The following E2F4 variants were observed in gnomAD, a reference collection of about 807,000 sequenced individuals.
E2F4 encodes the protein transcription factor E2F4.
Under a neutral mutation model 44.5 loss-of-function variants are expected in E2F4, and 16 were observed. The ratio of observed to expected loss-of-function variants is 0.36; its 90% CI spans 0.24 to 0.55. The LOEUF (loss-of-function observed/expected upper bound fraction) is 0.55. Ranked by LOEUF, E2F4 falls within the 20% of genes least tolerant of loss-of-function variation. The pLI is 0.87. For synonymous variants in E2F4, 242 were observed against 207.2 expected (o/e 1.17, Z -1.44); for missense variants, 473 against 522.1 (o/e 0.91, Z 0.92).
At chr16:67,194,487 T>A in intron 5 of E2F4, 28 bp downstream of exon 5, 1 of 1,612,208 alleles carries the variant, frequency 6.2e-7, no homozygotes. Context: ...GCAGGCGGGG[T>A]CAGCTGAGGG....
At chr16:67,194,351 C>A in intron 4 of E2F4, 47 bp from the exon 5 acceptor site, 3 of 1,604,288 alleles carry the variant, frequency 1.9e-6, no homozygotes, top group Non-Finnish European at 2.6e-6. Context: ...CTGTTCCCAG[C>A]TCAGATTGAG....
Position 67,192,993 on chromosome 16 carries a change from C to T in E2F4, c.246-16C>T, listed in dbSNP as rs371788671. 1.9e-6 allele frequency: 3 copies of T among 1,565,158 alleles called. No homozygotes were observed. The highest frequency in any genetic ancestry group is 2.3e-5 in the South Asian group (2 of 85,794). ...AGTTCTCAGCAGTCCCTCTCAGCCC[C>T]ACTCCCTGGGCTCAGGGGTGTGGGG... On this transcript the variant is annotated splice_polypyrimidine_tract_variant and intron_variant, in intron 2 of 9. Transcript: ENST00000379378.
Position 67,194,827 on chromosome 16 carries a change from C to T in E2F4, c.655C>T (p.Pro219Ser). Residue 219 changes from proline (P) to serine (S), a missense_variant, in exon 6 of 10, where the codon CCA becomes TCA. By Grantham distance (74) the Pro-to-Ser change is moderately conservative (BLOSUM62 -1). This residue lies in a region of E2F4 where 314 missense variants were observed against 315.6 expected (regional missense o/e 0.99). Transcript: ENST00000379378. ...ACCACCTGAAGATTTGCTCCAGAGCCCATCTGCTGTTTCTACACCTCCACC... is the reference window on the plus strand; with the variant it reads ...ACCACCTGAAGATTTGCTCCAGAGCTCATCTGCTGTTTCTACACCTCCACC... ...VPPPEDLLQSPSAVSTPPPLP... is the reference protein window; with the variant it reads ...VPPPEDLLQSSSAVSTPPPLP... The T allele has an allele frequency of 1.2e-6, 2 of 1,614,192 alleles. No homozygotes were observed. The highest frequency in any genetic ancestry group is 1.7e-6 in the Non-Finnish European group (2 of 1,180,038).
chr16:67,195,303 C>T (rs916845097), intron 6 of E2F4, among the ~76,000 whole-genome samples: 3 of 152,094 alleles, frequency 2.0e-5, no homozygotes, highest in East Asian at 1.9e-4. Flanking sequence ...AGCTAATTCT[C>T]GTACTTCTAA....
chr16:67,195,016 G>T (rs545469619), intron 6 of E2F4, 36 bp downstream of exon 6: 2 of 1,596,186 alleles, frequency 1.3e-6, no homozygotes, highest in Admixed American at 1.7e-5. Flanking sequence ...AGAGGCCCAA[G>T]AGGTAGTATC....
intron 7 of E2F4, among the ~76,000 whole-genome samples, 172 bp from the exon 8 acceptor site, chr16:67,197,427 A>G (rs750540141): frequency 1.1e-4 from 17 of 152,176 alleles, no homozygotes; most frequent in South Asian, 2.1e-4. Flanking sequence ...TGAGGAATTC[A>G]GGTTTAGCAA....
At chr16:67,193,676 G>C (rs1374118837) in intron 4 of E2F4, among the ~76,000 whole-genome samples, 161 bp downstream of exon 4, 1 of 152,140 alleles carries the variant, frequency 6.6e-6, no homozygotes, top group Non-Finnish European at 1.5e-5. Context: ...AGTGTCACTG[G>C]GACCCTGTGG....
Position 67,195,844 on chromosome 16 carries a change from CCAA to C in E2F4, c.877_879del (p.Thr293del). 1.9e-6 allele frequency: 3 copies of C among 1,614,098 alleles called. No individual in the cohort carries two copies. Among genetic ancestry groups the C allele is most frequent in the African/African-American group, 1.3e-5 (1 of 74,998 alleles). ...TGAGCTCAGTTCACTCCCACTGGGC[CCAA>C]CAACACTGGACACCCGGCCACTGCA... On this transcript the variant is annotated inframe_deletion, in exon 7 of 10. Transcript: ENST00000379378.
intron 6 of E2F4, 50 bp downstream of exon 6, chr16:67,195,030 G>C: frequency 6.3e-7 from 1 of 1,579,160 alleles, no homozygotes; most frequent in Non-Finnish European, 8.6e-7. Flanking sequence ...TAGTATCTCT[G>C]TGTTGTGGAA....
rs777866947 is a variant in E2F4 at position 67,194,843 on chromosome 16, C to A, written c.671C>A (p.Thr224Lys). Residue 224 changes from threonine (T) to lysine (K), a missense_variant, in exon 6 of 10, where the codon ACA (threonine) becomes AAA (lysine). Thr to Lys is a moderately conservative substitution (Grantham distance 78). Transcript: ENST00000379378. ...CTCCAGAGCCCATCTGCTGTTTCTA[C>A]ACCTCCACCTCTGCCCAAGCCTGCC... ...DLLQSPSAVS[T>K]PPPLPKPALA... is the part of the protein sequence containing the mutation. 1 of 1,614,206 alleles carries A rather than the reference C, an allele frequency of 6.2e-7. No individual in the cohort carries two copies. Among genetic ancestry groups the A allele is most frequent in the South Asian group, 1.1e-5 (1 of 91,088 alleles).
At chr16:67,196,093 A>G in intron 7 of E2F4, 87 bp downstream of exon 7, 1 of 1,577,836 alleles carries the variant, frequency 6.3e-7, no homozygotes. Flanking sequence ...GATGGAACCC[A>G]GATCTCCTGT....
intron 1 of E2F4, 83 bp downstream of exon 1, chr16:67,192,445 TG>T: frequency 7.2e-7 from 1 of 1,388,496 alleles, no homozygotes; most frequent in Non-Finnish European, 9.3e-7. Context: ...GCGGCCCAGC[TG>T]GGTCCTCCGA....
intron 4 of E2F4, 168 bp from the exon 5 acceptor site, chr16:67,194,230 A>G: frequency 1.5e-6 from 1 of 663,692 alleles, no homozygotes; most frequent in South Asian, 2.1e-5. Flanking sequence ...CTGGGCTCTC[A>G]GGAAGAGAAG....
rs1183570030 is a variant in E2F4, at chr16:67,192,314, C to T, written c.87C>T (p.Phe29=). The T allele has an allele frequency of 2.1e-6, 3 of 1,430,740 alleles. No individual in the cohort carries two copies. Among genetic ancestry groups the T allele is most frequent in the Non-Finnish European group, 2.8e-6 (3 of 1,089,894 alleles). The allele number at this position is 1,430,740 out of a possible 1,614,324, so 88.6% of individuals were successfully genotyped here. A position where few individuals can be genotyped will look rare whatever the true frequency, so the allele number is the denominator to read the frequency against. The part of the protein sequence containing the change: ...EKSLGLLTTK[F]VSLLQEAKDG... ...GCCTGGGACTGCTCACCACCAAGTT[C>T]GTGTCCCTTCTGCAGGAGGCCAAGG... is the stretch of plus-strand genomic sequence containing the variant. Residue 29 remains phenylalanine (F), a synonymous_variant, in exon 1 of 10, where the codon TTC becomes TTT. Coordinates refer to ENST00000379378, the MANE Select transcript of E2F4 (RefSeq NM_001950.4).
At position 67,192,250 on chromosome 16, in the gene E2F4, C is replaced by T. The variant is rs755331134; in HGVS notation, c.23C>T (p.Ala8Val). 1.6e-5 allele frequency: 21 copies of T among 1,276,580 alleles called. No homozygotes were observed. Among genetic ancestry groups the T allele is most frequent in the East Asian group, 3.1e-5 (1 of 32,322 alleles). 79.1% of individuals were successfully genotyped at this position (1,276,580 alleles called of 1,614,324 possible). Residue 8 changes from alanine to valine, a missense_variant, in exon 1 of 10, where the codon GCG becomes GTG. Transcript: ENST00000379378. MAEAGPQ[A>V]PPPPGTPSRH... ...GCGATGGCGGAGGCCGGGCCACAGGCGCCGCCGCCCCCGGGCACTCCAAGC... is the reference window on the plus strand; with the variant it reads ...GCGATGGCGGAGGCCGGGCCACAGGTGCCGCCGCCCCCGGGCACTCCAAGC...
At position 67,195,888 on chromosome 16, in the gene E2F4, GGACAGCAGCAGCAGCAGCAGCAGCAGC is replaced by G; in HGVS notation, c.916_942del (p.Asp306_Ser314del). 1 of 1,598,840 alleles carries G rather than the reference GGACAGCAGCAGCAGCAGCAGCAGCAGC, an allele frequency of 6.3e-7. No individual in the cohort carries two copies. Among genetic ancestry groups the G allele is most frequent in the Non-Finnish European group, 8.5e-7 (1 of 1,174,830 alleles). ...GGCCACTGCAGTCTTCTGCCCTGCT[GGACAGCAGCAGCAGCAGCAGCAGCAGC>G]AGCAGCAGCAGCAGCAACAGTAACA... On this transcript the variant is annotated inframe_deletion, in exon 7 of 10. Transcript: ENST00000379378.
At chr16:67,194,621 G>A in intron 5 of E2F4, 65 bp from the exon 6 acceptor site, 1 of 1,583,854 alleles carries the variant, frequency 6.3e-7, no homozygotes, top group South Asian at 1.1e-5. Flanking sequence ...CTGACCCGGA[G>A]TCGGGCAGGA....
intron 8 of E2F4, 41 bp from the exon 9 acceptor site, chr16:67,197,826 G>A (rs2032996206): frequency 1.2e-6 from 2 of 1,613,678 alleles, no homozygotes; most frequent in Non-Finnish European, 1.7e-6. Context: ...GTGGAGAGGT[G>A]GGAGCTGGAA....
intron 9 of E2F4, 40 bp downstream of exon 9, chr16:67,197,951 G>A (rs201730127): frequency 6.2e-7 from 1 of 1,614,126 alleles, no homozygotes; most frequent in East Asian, 2.2e-5. Context: ...GTGGGCAGGG[G>A]TTGGGCTGCT....
Sources: gnomAD v4.1 joint callset for allele counts (sites outside exome capture counted in the v4.1 genomes callset) on GRCh38, gnomAD v4.1.1 for gene constraint, gnomAD v4.1.1 regional missense constraint, MANE v1.5 for transcripts, NCBI Gene and HGNC (gene_info 2026-07-23, HGNC 2026-07-21) for gene names.